EFNA5: variants seen among roughly 807,000 people sequenced by gnomAD.
EFNA5 encodes the protein ephrin A5, also known as ephrin-A5.
A neutral mutation model predicts 22.9 loss-of-function variants in EFNA5; 5 were observed. That is an observed-to-expected ratio of 0.22 (90% CI 0.11 to 0.46). The LOEUF is 0.46. Among genes scored for constraint, EFNA5 ranks in the 20% least tolerant of loss-of-function variants. The pLI is 0.99. For synonymous variants in EFNA5, 113 were observed against 112.2 expected, an observed-to-expected ratio of 1.01 and a Z score of -0.04; for missense variants, 237 against 293.3, an observed-to-expected ratio of 0.81 and a Z score of 1.40.
chr5:107,427,142 C>A, intron 2 of EFNA5, 75 bp downstream of exon 2: 1 of 1,528,208 alleles, frequency 6.5e-7, no homozygotes, highest in Non-Finnish European at 9.0e-7. Context: ...CTCTGCAATT[C>A]TCTGAAACAT....
intron 1 of EFNA5, among the ~76,000 whole-genome samples, chr5:107,543,602 C>T (rs1748089783): frequency 6.6e-6 from 1 of 152,124 alleles, no homozygotes; most frequent in Admixed American, 6.5e-5. Context: ...TTATATACAG[C>T]ATACCAAATA....
At chr5:107,530,231 A>G (rs1221510220) in intron 1 of EFNA5, among the ~76,000 whole-genome samples, 1 of 152,238 alleles carries the variant, frequency 6.6e-6, no homozygotes, top group East Asian at 1.9e-4. Flanking sequence ...TAGGGTTGAC[A>G]GACAACTGCT....
Position 107,435,315 on chromosome 5 carries a change from C to CTTTTTTTTTTTTTTTT in EFNA5, c.126-7822_126-7807dup, listed in dbSNP as rs3999107. On this transcript the variant is annotated intron_variant, in intron 1 of 4. Coordinates refer to ENST00000333274, the MANE Select transcript of EFNA5 (RefSeq NM_001962.3). ...TTCCTATTCTAAATCTGAAGATGCT[C>CTTTTTTTTTTTTTTTT]TTTTTTTTTTTTTTTTTTTTTTGCT... Among the ~76,000 whole-genome samples, 467 of 104,618 alleles carry CTTTTTTTTTTTTTTTT rather than the reference C, an allele frequency of 4.5e-3. 8 individuals carry two copies. The highest frequency in any genetic ancestry group is 6.3e-3 in the Middle Eastern group (1 of 158). The allele number at this position is 104,618 out of a possible 152,430, so 68.6% of individuals were successfully genotyped here.
At chr5:107,641,287 G>A (rs1750504282) in intron 1 of EFNA5, among the ~76,000 whole-genome samples, 1 of 151,860 alleles carries the variant, frequency 6.6e-6, no homozygotes, top group Non-Finnish European at 1.5e-5. Context: ...GAACCCAGGA[G>A]GCAAAGGTTA....
At chr5:107,458,909 TA>T (rs1239256014) in intron 1 of EFNA5, among the ~76,000 whole-genome samples, 2 of 152,320 alleles carry the variant, frequency 1.3e-5, no homozygotes, top group East Asian at 3.9e-4. Context: ...GATATTTTAA[TA>T]AAAGCAGTCT....
At chr5:107,588,702 A>T (rs972020073) in intron 1 of EFNA5, among the ~76,000 whole-genome samples, 5 of 152,232 alleles carry the variant, frequency 3.3e-5, no homozygotes, top group African/African-American at 1.2e-4. Context: ...AACATTTAGC[A>T]ACTGTTAGTG....
intron 1 of EFNA5, among the ~76,000 whole-genome samples, chr5:107,587,434 T>TA (rs996121640): frequency 6.6e-6 from 1 of 152,228 alleles, no homozygotes; most frequent in Non-Finnish European, 1.5e-5. Flanking sequence ...ATCAAGCATT[T>TA]ACACTTGAAA....
chr5:107,629,650 C>A (rs1160721702), intron 1 of EFNA5, among the ~76,000 whole-genome samples: 2 of 152,218 alleles, frequency 1.3e-5, no homozygotes, highest in Non-Finnish European at 2.9e-5. Flanking sequence ...AATTTTGCTG[C>A]AAATCTAAAA....
At chr5:107,642,714 G>A (rs767608342) in intron 1 of EFNA5, among the ~76,000 whole-genome samples, 5 of 152,122 alleles carry the variant, frequency 3.3e-5, no homozygotes, top group Non-Finnish European at 7.4e-5. Flanking sequence ...AAAGTAAAAT[G>A]TTCGCAAAAT....
rs773576170 is a variant in EFNA5, at chr5:107,381,354, G to A, written c.588C>T (p.Ala196=). Residue 196 remains alanine (A), a synonymous_variant, in exon 5 of 5, where the codon GCC becomes GCT. Transcript: ENST00000333274. ...CCGCGTTCTCGCCGCGGGATGGCTCGGCTGACTCATGTACGGTGTCATCTG... is the reference window on the plus strand; with the variant it reads ...CCGCGTTCTCGCCGCGGGATGGCTCAGCTGACTCATGTACGGTGTCATCTG... The part of the protein sequence containing the change: ...EPADDTVHES[A]EPSRGENAAQ... The A allele has an allele frequency of 7.4e-6, 12 of 1,613,664 alleles. No homozygotes were observed. In the East Asian group the frequency reaches 1.3e-4, roughly 18 times the overall value.
In EFNA5 at chr5:107,427,203, C is replaced by T. The variant is rs1748832183; in HGVS notation, c.418+14G>A. On this transcript the variant is annotated intron_variant, in intron 2 of 4. Coordinates refer to ENST00000333274, the MANE Select transcript of EFNA5 (RefSeq NM_001962.3). Reference sequence around the variant, plus strand: ...GCAGCTGCCCTACAACACGATAAATCTCTATATACTCACAGATGTAGAAAT... The same window carrying T: ...GCAGCTGCCCTACAACACGATAAATTTCTATATACTCACAGATGTAGAAAT... 3 of 1,613,922 alleles carry T rather than the reference C, an allele frequency of 1.9e-6. No homozygotes were observed. The highest frequency in any genetic ancestry group is 2.5e-6 in the Non-Finnish European group (3 of 1,179,924).
At chr5:107,599,280 T>A (rs546928985) in intron 1 of EFNA5, among the ~76,000 whole-genome samples, 15 of 152,310 alleles carry the variant, frequency 9.8e-5, no homozygotes, top group Admixed American at 9.8e-4. Flanking sequence ...TAGGAAGTTG[T>A]AAAGAATAAT....
At chr5:107,467,470 T>C (rs1048904551) in intron 1 of EFNA5, among the ~76,000 whole-genome samples, 3 of 152,246 alleles carry the variant, frequency 2.0e-5, no homozygotes, top group Non-Finnish European at 1.5e-5. Context: ...TGTACATTCA[T>C]AGCAAAGGGA....
intron 1 of EFNA5, among the ~76,000 whole-genome samples, chr5:107,485,930 C>T (rs1383237366): frequency 6.6e-6 from 1 of 152,050 alleles, no homozygotes; most frequent in African/African-American, 2.4e-5. Flanking sequence ...TATTGAACCT[C>T]GCCAACTGGA....
chr5:107,560,801 G>A (rs151245765), intron 1 of EFNA5, among the ~76,000 whole-genome samples: 22 of 152,280 alleles, frequency 1.4e-4, no homozygotes, highest in African/African-American at 5.3e-4. Flanking sequence ...GACTTGCTTA[G>A]ACAATGCATG....
intron 1 of EFNA5, among the ~76,000 whole-genome samples, chr5:107,595,680 C>T (rs954227683): frequency 3.5e-4 from 54 of 152,306 alleles, no homozygotes; most frequent in African/African-American, 1.2e-3. Context: ...AACACCCATT[C>T]CCCTCAGTGT....
intron 1 of EFNA5, among the ~76,000 whole-genome samples, chr5:107,576,647 A>G (rs910069668): frequency 1.3e-4 from 20 of 152,232 alleles, no homozygotes; most frequent in Admixed American, 1.2e-3. Context: ...CTTATCCAGC[A>G]TGTTGGAGCA....
intron 1 of EFNA5, among the ~76,000 whole-genome samples, chr5:107,502,493 C>T (rs1274935320): frequency 6.6e-6 from 1 of 152,196 alleles, no homozygotes; most frequent in Non-Finnish European, 1.5e-5. Flanking sequence ...GACACAATTG[C>T]TGTGGCGGTT....
chr5:107,481,849 C>CA (rs3078574), intron 1 of EFNA5, among the ~76,000 whole-genome samples: 16,641 of 119,696 alleles, frequency 0.14, 2,682 homozygotes, highest in African/African-American at 0.37. Context: ...GACTCCATCT[C>CA]AAAAAAAAAA....
Sources: allele counts gnomAD v4.1 joint callset (sites outside exome capture counted in the v4.1 genomes callset), GRCh38; gene constraint gnomAD v4.1.1; transcripts MANE v1.5; gene names NCBI Gene and HGNC (gene_info 2026-07-23, HGNC 2026-07-21).